Variants in ATP9A observed in about 807,000 individuals in gnomAD.
ATP9A encodes probable phospholipid-transporting ATPase IIA.
Under a neutral mutation model 144.1 loss-of-function variants are expected in ATP9A, and 52 were observed. The observed-to-expected ratio is 0.36, with a 90% CI of 0.29 to 0.45. The LOEUF (loss-of-function observed/expected upper bound fraction) is 0.45. Ranked by LOEUF, ATP9A falls within the 20% of genes least tolerant of loss-of-function variation. ATP9A has a pLI of 1.00. For missense variants in ATP9A, 947 were observed against 1,392.7 expected (o/e 0.68, Z 5.09); for synonymous variants, 582 against 557.4 (o/e 1.04, Z -0.62).
At chr20:51,731,044 G>A (rs963908409) in intron 1 of ATP9A, among the ~76,000 whole-genome samples, 2 of 152,014 alleles carry the variant, frequency 1.3e-5, no homozygotes, top group Non-Finnish European at 2.9e-5. Context: ...GGTGGCTCAT[G>A]CCTGTAATCC....
At chr20:51,762,389 C>T (rs1037506241) in intron 1 of ATP9A, among the ~76,000 whole-genome samples, 13 of 151,378 alleles carry the variant, frequency 8.6e-5, no homozygotes, top group East Asian at 3.9e-4. Flanking sequence ...CCAGCTACTC[C>T]GGAGGCTGGG....
In ATP9A at chr20:51,598,858, T is replaced by A. The variant is rs1318232975; in HGVS notation, c.*2353A>T. 6.6e-6 allele frequency: 1 copy of A among 152,324 alleles called. No homozygotes were observed. Among genetic ancestry groups the A allele is most frequent in the African/African-American group, 2.4e-5 (1 of 41,468 alleles). The allele number at this position is 152,324 out of a possible 1,614,324, so 9.4% of individuals were successfully genotyped here. On this transcript the variant is annotated 3_prime_UTR_variant, in exon 28 of 28. Transcript: ENST00000338821. Reference sequence around the variant, plus strand: ...GGCCAACGACGTGGCAGTTTGCACTTGAGTGTCGGTACTTCTCACCCTTGA... The same window carrying A: ...GGCCAACGACGTGGCAGTTTGCACTAGAGTGTCGGTACTTCTCACCCTTGA...
chr20:51,639,378 T>C lies in ATP9A; in HGVS notation c.1633A>G (p.Thr545Ala). 1 of 1,613,602 alleles carries C rather than the reference T, an allele frequency of 6.2e-7. No homozygotes were observed. Among genetic ancestry groups the C allele is most frequent in the South Asian group, 1.1e-5 (1 of 91,034 alleles). Residue 545 changes from threonine (T) to alanine (A), a missense_variant, in exon 15 of 28, where the codon ACC becomes GCC. Coordinates refer to ENST00000338821, the MANE Select transcript of ATP9A (RefSeq NM_006045.3). Reference sequence around the variant, plus strand: ...ATGCCCATACGTTTGCTTTCATAGGTGAAAGGGAAGATCTGTAGGATGGTG... The same window carrying C: ...ATGCCCATACGTTTGCTTTCATAGGCGAAAGGGAAGATCTGTAGGATGGTG... Reference protein sequence around the residue: ...NFTILQIFPFTYESKRMGIIV... With the variant: ...NFTILQIFPFAYESKRMGIIV...
intron 13 of ATP9A, among the ~76,000 whole-genome samples, chr20:51,666,776 G>C (rs567617556): frequency 6.6e-6 from 1 of 152,172 alleles, no homozygotes; most frequent in South Asian, 2.1e-4. Flanking sequence ...ACTGCAGTGG[G>C]AGCAGGGGTG....
intron 1 of ATP9A, among the ~76,000 whole-genome samples, chr20:51,755,611 A>T (rs2077852440): frequency 6.6e-6 from 1 of 152,080 alleles, no homozygotes; most frequent in Non-Finnish European, 1.5e-5. Flanking sequence ...AAAGCTAAAC[A>T]CAAATATACC....
chr20:51,643,754 A>G (rs892311694), intron 14 of ATP9A, among the ~76,000 whole-genome samples: 15 of 152,062 alleles, frequency 9.9e-5, no homozygotes, highest in Admixed American at 7.9e-4. Context: ...AGACTAAGAC[A>G]CTCTAACTTT....
At chr20:51,702,298 A>G (rs1040678566) in intron 4 of ATP9A, among the ~76,000 whole-genome samples, 1 of 151,408 alleles carries the variant, frequency 6.6e-6, no homozygotes, top group Non-Finnish European at 1.5e-5. Flanking sequence ...TCTCAAAAAA[A>G]AAAAAAAAAA....
intron 4 of ATP9A, among the ~76,000 whole-genome samples, chr20:51,702,365 C>CGTGT (rs10578719): frequency 0.059 from 7,690 of 130,226 alleles, 267 homozygotes; most frequent in African/African-American, 0.086. Flanking sequence ...TGTGTGTGTT[C>CGTGT]GTGTGTGTGT....
At chr20:51,716,475 T>C (rs1284146205) in intron 3 of ATP9A, among the ~76,000 whole-genome samples, 1 of 108,246 alleles carries the variant, frequency 9.2e-6, no homozygotes, top group Admixed American at 1.1e-4. Flanking sequence ...CAAAAGAAAA[T>C]AGAAACCTGA....
At chr20:51,765,642 C>CAAAAAAAAAAAACAAAA (rs2077900518) in intron 1 of ATP9A, among the ~76,000 whole-genome samples, 2 of 110,548 alleles carry the variant, frequency 1.8e-5, no homozygotes, top group East Asian at 4.8e-4. Context: ...AGCTACATCT[C>CAAAAAAAAAAAACAAAA]AAAAAAAAAA....
chr20:51,722,003 T>C (rs947030010), intron 3 of ATP9A, among the ~76,000 whole-genome samples: 2 of 152,106 alleles, frequency 1.3e-5, no homozygotes, highest in African/African-American at 4.8e-5. Flanking sequence ...CATAGATCAA[T>C]GGAACAGAAT....
rs987329621 is a variant in ATP9A, at chr20:51,618,552, G to C, written c.2350+110C>G. 20 of 1,435,324 alleles carry C rather than the reference G, an allele frequency of 1.4e-5. No individual in the cohort carries two copies. In the East Asian group the frequency reaches 3.1e-4, roughly 22 times the overall value. The allele number at this position is 1,435,324 out of a possible 1,614,324, so 88.9% of individuals were successfully genotyped here. A position where few individuals can be genotyped will look rare whatever the true frequency, so the allele number is the denominator to read the frequency against. On this transcript the variant is annotated intron_variant, in intron 21 of 27. Coordinates refer to ENST00000338821, the MANE Select transcript of ATP9A (RefSeq NM_006045.3). ...GGAGAAAAATCATGACCTGAACAAA[G>C]GGGCCTGGGGAATTTGAAGAAAGAG... is the stretch of plus-strand genomic sequence containing the variant.
intron 1 of ATP9A, among the ~76,000 whole-genome samples, chr20:51,747,148 C>G (rs547771343): frequency 1.4e-5 from 2 of 139,946 alleles, no homozygotes; most frequent in East Asian, 4.3e-4. Flanking sequence ...AAACCTAAGT[C>G]AGGAAGGATG....
intron 1 of ATP9A, among the ~76,000 whole-genome samples, chr20:51,739,063 T>C (rs1042619503): frequency 4.6e-5 from 7 of 152,140 alleles, no homozygotes; most frequent in Admixed American, 2.0e-4. Flanking sequence ...TACTCCACCC[T>C]GGGTGACAGA....
At position 51,742,696 on chromosome 20, in the gene ATP9A, G is replaced by A. The variant is rs2077790294; in HGVS notation, c.69-12718C>T. Among the ~76,000 whole-genome samples the A allele has an allele frequency of 2.0e-5, 3 of 152,192 alleles. No homozygotes were observed. In the South Asian group the frequency reaches 6.2e-4, roughly 32 times the overall value. On this transcript the variant is annotated intron_variant, in intron 1 of 27. Transcript: ENST00000338821. ...CGCCCAGCTAACTTTTGTATTTTTA[G>A]TAGAGACGGCGTTTCACCATGTTGG...
intron 26 of ATP9A, among the ~76,000 whole-genome samples, 187 bp downstream of exon 26, chr20:51,607,340 C>A (rs2077167430): frequency 6.6e-6 from 1 of 152,252 alleles, no homozygotes; most frequent in Non-Finnish European, 1.5e-5. Flanking sequence ...TCTCACACAG[C>A]AGCACTGTGC....
chr20:51,738,490 G>A (rs35280699), intron 1 of ATP9A, among the ~76,000 whole-genome samples: 15,270 of 151,698 alleles, frequency 0.1, 952 homozygotes, highest in South Asian at 0.19. Flanking sequence ...GATCACCTGA[G>A]GTCAGGAGTT....
At chr20:51,671,311 T>C (rs531492057) in intron 11 of ATP9A, 54 bp from the exon 12 acceptor site, 138 of 1,578,964 alleles carry the variant, frequency 8.7e-5, no homozygotes, top group Non-Finnish European at 1.2e-4. Flanking sequence ...AGGCTCCTTG[T>C]ATCTTTATAA....
chr20:51,715,289 G>A (rs1203574984), intron 3 of ATP9A, among the ~76,000 whole-genome samples: 1 of 152,154 alleles, frequency 6.6e-6, no homozygotes, highest in East Asian at 1.9e-4. Context: ...CCAATCAGAT[G>A]TAAAGTACAC....
Sources: gnomAD v4.1 joint callset for allele counts (sites outside exome capture counted in the v4.1 genomes callset) on GRCh38, gnomAD v4.1.1 for gene constraint, MANE v1.5 for transcripts, NCBI Gene and HGNC (gene_info 2026-07-23, HGNC 2026-07-21) for gene names.